The following DNAI2 variants were observed in gnomAD, a reference collection of about 807,000 sequenced individuals.
The protein encoded by DNAI2 is dynein axonemal intermediate chain 2.
DNAI2 carries 63 observed loss-of-function variants against 74.7 expected under a neutral mutation model. That is an observed-to-expected ratio of 0.84 (90% CI 0.69 to 1.04). The LOEUF is 1.04. Among genes scored for constraint, DNAI2 ranks in the 50% least tolerant of loss-of-function variants. The pLI, the probability that DNAI2 is intolerant of heterozygous loss-of-function variation, is 0.00. For missense variants in DNAI2, 688 were observed against 803.2 expected, an observed-to-expected ratio of 0.86 and a Z score of 1.73; for synonymous variants, 289 against 314.9, an observed-to-expected ratio of 0.92 and a Z score of 0.87.
intron 2 of DNAI2, among the ~76,000 whole-genome samples, chr17:74,284,149 A>G (rs2143893798): frequency 6.6e-6 from 1 of 151,552 alleles, no homozygotes; most frequent in Non-Finnish European, 1.5e-5. Context: ...AAAAAAAAAA[A>G]AAAAAAGCTG....
intron 1 of DNAI2, among the ~76,000 whole-genome samples, chr17:74,280,957 G>T (rs922761257): frequency 7.9e-5 from 12 of 151,672 alleles, no homozygotes; most frequent in Non-Finnish European, 1.6e-4. Context: ...GCATGGTACT[G>T]CACACCTGTG....
At chr17:74,304,009 C>G (rs1433151359) in intron 8 of DNAI2, among the ~76,000 whole-genome samples, 1 of 151,428 alleles carries the variant, frequency 6.6e-6, no homozygotes, top group Non-Finnish European at 1.5e-5. Context: ...CTTGTGGTCC[C>G]TACGTGGGAG....
intron 1 of DNAI2, among the ~76,000 whole-genome samples, chr17:74,275,684 G>T (rs950138049): frequency 2.0e-5 from 3 of 151,712 alleles, no homozygotes; most frequent in African/African-American, 7.3e-5. Flanking sequence ...CTGAGATCAG[G>T]CCACTGCACT....
Position 74,296,346 on chromosome 17 carries a change from G to GAGAGGAGAGAGAGAGAGAGAGA in DNAI2, c.725-3372_725-3371insAGAGGAGAGAGAGAGAGAGAGA, listed in dbSNP as rs371039062. Among the ~76,000 whole-genome samples, 167 of 83,318 alleles carry GAGAGGAGAGAGAGAGAGAGAGA rather than the reference G, an allele frequency of 2.0e-3. 10 individuals carry two copies. The highest frequency in any genetic ancestry group is 4.3e-3 in the Non-Finnish European group (140 of 32,444). The allele number at this position is 83,318 out of a possible 152,430, so 54.7% of individuals were successfully genotyped here. On this transcript the variant is annotated intron_variant, in intron 6 of 13. Coordinates refer to ENST00000311014, the MANE Select transcript of DNAI2 (RefSeq NM_023036.6). Reference sequence around the variant, plus strand: ...GAGAGAGAGAGAGGAGAGAGAGAGAGGAGAGAGAGAGGAAGGGGGAAGGAG... The same window carrying GAGAGGAGAGAGAGAGAGAGAGA: ...GAGAGAGAGAGAGGAGAGAGAGAGAGAGAGGAGAGAGAGAGAGAGAGAGAGAGAGAGAGGAAGGGGGAAGGAG...
Position 74,305,172 on chromosome 17 carries a change from A to G in DNAI2, c.988-47A>G, listed in dbSNP as rs200252022. The G allele has an allele frequency of 1.9e-6, 3 of 1,601,496 alleles. No individual in the cohort carries two copies. In the East Asian group the frequency reaches 6.7e-5, roughly 36 times the overall value. ...CCTGTCCATGCCCGCTAATCCCAGA[A>G]TTGATGGTTCGTGGAGTCTTCCCCT... On this transcript the variant is annotated intron_variant, in intron 8 of 13. Transcript: ENST00000311014.
Position 74,285,133 on chromosome 17 carries a change from A to T in DNAI2, c.277A>T (p.Thr93Ser). Residue 93 changes from threonine to serine, a missense_variant, in exon 3 of 14, where the codon ACC (threonine) becomes TCC (serine). Coordinates refer to ENST00000311014, the MANE Select transcript of DNAI2 (RefSeq NM_023036.6). ...CGTGAACCCCCTGGAGCTGGAGCAG[A>T]CCATCCGTTTCCGGAAGAAAGTGGA... Reference protein sequence around the residue: ...KDVNPLELEQTIRFRKKVEKD... With the variant: ...KDVNPLELEQSIRFRKKVEKD... 1 of 1,614,242 alleles carries T rather than the reference A, an allele frequency of 6.2e-7. No individual in the cohort carries two copies. The highest frequency in any genetic ancestry group is 1.6e-4 in the Middle Eastern group (1 of 6,062).
rs529594507 is a variant in DNAI2 at position 74,292,075 on chromosome 17, G to A, written c.724+942G>A. ...AGTTAGGGTTTCACTATGTTGGCCA[G>A]ACTTGTCTCAAATTCCTGACCTCAA... On this transcript the variant is annotated intron_variant, in intron 6 of 13. Transcript: ENST00000311014. Among the ~76,000 whole-genome samples, 4 of 152,264 alleles carry A rather than the reference G, an allele frequency of 2.6e-5. No individual in the cohort carries two copies. In the South Asian group the frequency reaches 8.3e-4, roughly 32 times the overall value.
chr17:74,284,746 A>G (rs945876112), intron 2 of DNAI2, among the ~76,000 whole-genome samples: 3 of 152,348 alleles, frequency 2.0e-5, no homozygotes, highest in African/African-American at 7.2e-5. Flanking sequence ...CTCACAGAGC[A>G]GATGGACAGG....
intron 2 of DNAI2, among the ~76,000 whole-genome samples, chr17:74,283,331 G>C (rs2051499324): frequency 6.6e-6 from 1 of 152,342 alleles, no homozygotes; most frequent in South Asian, 2.1e-4. Context: ...GGAAGGGCTG[G>C]GTGTGCTGGC....
Position 74,300,041 on chromosome 17 carries a change from C to T in DNAI2, c.864+184C>T, listed in dbSNP as rs1288265012. On this transcript the variant is annotated intron_variant, in intron 7 of 13. Transcript: ENST00000311014. The surrounding 1 kb of genome is among the most constrained non-coding windows in gnomAD (Gnocchi z 4.5). Reference sequence around the variant, plus strand: ...TTGGTTCACTGCAACCTCTGCCTCCCGGGTTCAAGCAATTCTCCTGCCTCA... The same window carrying T: ...TTGGTTCACTGCAACCTCTGCCTCCTGGGTTCAAGCAATTCTCCTGCCTCA... 2.0e-5 allele frequency among the ~76,000 whole-genome samples: 3 copies of T among 152,198 alleles called. No homozygotes were observed. The highest frequency in any genetic ancestry group is 4.8e-5 in the African/African-American group (2 of 41,460).
intron 11 of DNAI2, among the ~76,000 whole-genome samples, chr17:74,310,810 G>A (rs907076687): frequency 6.6e-6 from 1 of 152,086 alleles, no homozygotes; most frequent in Non-Finnish European, 1.5e-5. Flanking sequence ...AAAGTGCTGG[G>A]ATTATAGGCG....
chr17:74,299,596 G>C, intron 6 of DNAI2, 122 bp from the exon 7 acceptor site: 9 of 1,324,508 alleles, frequency 6.8e-6, no homozygotes, highest in Non-Finnish European at 9.4e-6. Flanking sequence ...ACCAAGCCCT[G>C]ATTCTAGAAA....
At chr17:74,288,588 T>C (rs907274598) in intron 4 of DNAI2, among the ~76,000 whole-genome samples, 4 of 152,170 alleles carry the variant, frequency 2.6e-5, no homozygotes, top group African/African-American at 9.7e-5. Flanking sequence ...TTGTGGGACC[T>C]CGTTGCAGCA....
rs2053431853 is a variant in DNAI2 at position 74,310,162 on chromosome 17, C to A, written c.1493C>A (p.Ser498Tyr). Residue 498 changes from serine (S) to tyrosine (Y), a missense_variant and splice_region_variant, in exon 11 of 14, where the codon TCC becomes TAC. Transcript: ENST00000311014. Reference sequence around the variant, plus strand: ...AGGAATGAGAAGAACGTAGCCTCTTCCGTAAGCACCGGGTGCCTGGGGAAA... The same window carrying A: ...AGGAATGAGAAGAACGTAGCCTCTTACGTAAGCACCGGGTGCCTGGGGAAA... ...LQRNEKNVASSMFERETRREK... is the reference protein window; with the variant it reads ...LQRNEKNVASYMFERETRREK... The A allele has an allele frequency of 1.2e-6, 2 of 1,613,408 alleles. No homozygotes were observed. The highest frequency in any genetic ancestry group is 1.7e-6 in the Non-Finnish European group (2 of 1,180,016).
intron 8 of DNAI2, 69 bp from the exon 9 acceptor site, chr17:74,305,150 G>C (rs908133867): frequency 6.5e-7 from 1 of 1,550,208 alleles, no homozygotes; most frequent in Middle Eastern, 1.7e-4. Context: ...GCAAGCTCCT[G>C]TCCATGCCCG....
At chr17:74,277,513 A>G (rs1026842250) in intron 1 of DNAI2, among the ~76,000 whole-genome samples, 3 of 152,182 alleles carry the variant, frequency 2.0e-5, no homozygotes, top group African/African-American at 7.2e-5. Context: ...GACACAATGT[A>G]TATGGATGCA....
chr17:74,311,568 G>A (rs565068766), intron 11 of DNAI2, among the ~76,000 whole-genome samples: 9 of 152,278 alleles, frequency 5.9e-5, no homozygotes, highest in East Asian at 3.9e-4. Context: ...AGCCGAGATC[G>A]TGCCATTGCA....
At chr17:74,282,460 C>T (rs1486084424) in intron 2 of DNAI2, among the ~76,000 whole-genome samples, 1 of 152,168 alleles carries the variant, frequency 6.6e-6, no homozygotes, top group East Asian at 1.9e-4. Context: ...ACCACCACGC[C>T]TGGCTAATTT....
At chr17:74,294,952 A>G (rs544944619) in intron 6 of DNAI2, among the ~76,000 whole-genome samples, 1 of 151,528 alleles carries the variant, frequency 6.6e-6, no homozygotes, top group Non-Finnish European at 1.5e-5. Flanking sequence ...TTTTCTTTCT[A>G]TTCCTCAGAC....
Sources: allele counts gnomAD v4.1 joint callset (sites outside exome capture counted in the v4.1 genomes callset), GRCh38; gene constraint gnomAD v4.1.1; non-coding constraint Gnocchi (gnomAD v3.1); transcripts MANE v1.5; gene names NCBI Gene and HGNC (gene_info 2026-07-23, HGNC 2026-07-21).